The following C8orf34 variants were observed in gnomAD, a reference collection of about 807,000 sequenced individuals.
C8orf34 encodes the protein uncharacterized protein C8orf34.
C8orf34 carries 65 observed loss-of-function variants against 68.3 expected under a neutral mutation model. The observed-to-expected ratio is 0.95, with a 90% confidence interval of 0.78 to 1.17. C8orf34 has a LOEUF of 1.17. Ranked by LOEUF, C8orf34 falls within the 50% of genes most tolerant of loss-of-function variation. The pLI is 0.00. For missense variants in C8orf34, 664 were observed against 655.4 expected (o/e 1.01, Z -0.14); for synonymous variants, 244 against 241.2 (o/e 1.01, Z -0.11).
intron 12 of C8orf34, among the ~76,000 whole-genome samples, chr8:68,789,521 C>T (rs1298192761): frequency 6.6e-6 from 1 of 152,074 alleles, no homozygotes; most frequent in Non-Finnish European, 1.5e-5. Context: ...GAACTTTCTT[C>T]AACCCTTGTC....
intron 1 of C8orf34, among the ~76,000 whole-genome samples, chr8:68,427,461 A>G (rs140922829): frequency 7.9e-5 from 12 of 152,232 alleles, no homozygotes; most frequent in African/African-American, 2.4e-4. Flanking sequence ...ATATACTTCA[A>G]TATATAAGAT....
chr8:68,560,693 G>A (rs566912548), intron 7 of C8orf34, among the ~76,000 whole-genome samples: 8 of 152,146 alleles, frequency 5.3e-5, no homozygotes, highest in South Asian at 2.1e-4. Flanking sequence ...TTATCTAAAC[G>A]TAGAAAAGTA....
At chr8:68,343,785 G>C (rs991418547) in intron 1 of C8orf34, among the ~76,000 whole-genome samples, 4 of 152,008 alleles carry the variant, frequency 2.6e-5, no homozygotes, top group Non-Finnish European at 4.4e-5. Context: ...GTAGAGACAG[G>C]GTTTCACCAT....
chr8:68,338,013 G>A (rs1805922338), intron 1 of C8orf34, among the ~76,000 whole-genome samples: 1 of 152,154 alleles, frequency 6.6e-6, no homozygotes, highest in South Asian at 2.1e-4. Flanking sequence ...CCTATATATA[G>A]TCAGTGACAC....
At chr8:68,802,637 T>A (rs928472853) in intron 12 of C8orf34, among the ~76,000 whole-genome samples, 1 of 152,084 alleles carries the variant, frequency 6.6e-6, no homozygotes, top group Non-Finnish European at 1.5e-5. Context: ...TAGCTGGGAC[T>A]ACAGGGGTAT....
chr8:68,439,550 C>A lies in C8orf34; in HGVS notation c.379C>A (p.Leu127Ile). The change falls in exon 2 of 14, where the codon CTC becomes ATC. Residue 127 changes from leucine to isoleucine, a missense_variant. Coordinates refer to ENST00000518698, the MANE Select transcript of C8orf34 (RefSeq NM_052958.4). ...TETPDQPIPF[L>I]IDHLQSKQGN... ...GACACCTGACCAGCCAATCCCATTT[C>A]TCATTGACCATCTTCAGTCTAAACA... 6.2e-7 allele frequency: 1 copy of A among 1,613,746 alleles called. No homozygotes were observed. Among genetic ancestry groups the A allele is most frequent in the African/African-American group, 1.3e-5 (1 of 75,026 alleles).
At chr8:68,506,918 G>T (rs1178932563) in intron 5 of C8orf34, among the ~76,000 whole-genome samples, 1 of 151,006 alleles carries the variant, frequency 6.6e-6, no homozygotes, top group African/African-American at 2.4e-5. Context: ...TTTGTCATTT[G>T]TCCATTGATA....
At chr8:68,665,402 C>A (rs16934882) in intron 8 of C8orf34, among the ~76,000 whole-genome samples, 32,993 of 152,072 alleles carry the variant, frequency 0.22, 3,858 homozygotes, top group Middle Eastern at 0.35. Context: ...CCTTTCCCAA[C>A]AACTACCTCA....
intron 12 of C8orf34, among the ~76,000 whole-genome samples, chr8:68,808,968 G>C (rs551819734): frequency 1.3e-5 from 2 of 151,576 alleles, no homozygotes; most frequent in African/African-American, 4.8e-5. Flanking sequence ...TTTTTTGTGA[G>C]CATACACATC....
chr8:68,625,206 G>A (rs550087871), intron 7 of C8orf34, among the ~76,000 whole-genome samples: 80 of 152,262 alleles, frequency 5.3e-4, no homozygotes, highest in African/African-American at 1.9e-3. Flanking sequence ...AAGTACAAGA[G>A]ACCTCAGGGC....
At chr8:68,376,425 T>C (rs892243615) in intron 1 of C8orf34, among the ~76,000 whole-genome samples, 4 of 152,026 alleles carry the variant, frequency 2.6e-5, no homozygotes, top group African/African-American at 4.8e-5. Flanking sequence ...TGGGGAGATG[T>C]TTGGCCTAAT....
chr8:68,389,162 T>G (rs1361546559), intron 1 of C8orf34, among the ~76,000 whole-genome samples: 2 of 152,102 alleles, frequency 1.3e-5, no homozygotes, highest in African/African-American at 4.8e-5. Flanking sequence ...GTAGATAGAA[T>G]AGTGAGCAAA....
At chr8:68,594,692 A>G (rs1310582005) in intron 7 of C8orf34, among the ~76,000 whole-genome samples, 2 of 151,996 alleles carry the variant, frequency 1.3e-5, no homozygotes, top group African/African-American at 4.8e-5. Context: ...TCTGTTTTAT[A>G]TTTATTGCTT....
At chr8:68,497,260 A>G (rs956292700) in intron 5 of C8orf34, among the ~76,000 whole-genome samples, 4 of 152,216 alleles carry the variant, frequency 2.6e-5, no homozygotes, top group African/African-American at 9.6e-5. Flanking sequence ...AAATCCTCTT[A>G]ACTACATAAA....
intron 10 of C8orf34, among the ~76,000 whole-genome samples, chr8:68,746,184 C>A (rs913761070): frequency 1.5e-4 from 23 of 152,006 alleles, no homozygotes; most frequent in Non-Finnish European, 2.4e-4. Flanking sequence ...TCTTTGAAAC[C>A]AATGAGAACA....
At chr8:68,338,153 T>G (rs1221815312) in intron 1 of C8orf34, among the ~76,000 whole-genome samples, 1 of 152,172 alleles carries the variant, frequency 6.6e-6, no homozygotes, top group Non-Finnish European at 1.5e-5. Context: ...CCTCTTACTT[T>G]GTCCTCATAT....
intron 1 of C8orf34, among the ~76,000 whole-genome samples, chr8:68,436,232 G>T (rs1205783959): frequency 6.6e-6 from 1 of 151,920 alleles, no homozygotes; most frequent in Non-Finnish European, 1.5e-5. Flanking sequence ...GAAAAGAAAA[G>T]AAAAATAGTG....
intron 1 of C8orf34, among the ~76,000 whole-genome samples, chr8:68,371,173 G>A (rs751834750): frequency 5.3e-5 from 8 of 152,134 alleles, no homozygotes; most frequent in Non-Finnish European, 1.2e-4. Flanking sequence ...CTTCCATTTA[G>A]CTGTCCTCAT....
rs118137440 is a variant in C8orf34, at chr8:68,346,450, T to G, written c.327+15111T>G. ...TTGATGAACCTACATTGACACATCC[T>G]TATTACCCAAAGTCTGTAGTTTACA... On this transcript the variant is annotated intron_variant, in intron 1 of 13. Transcript: ENST00000518698. Among the ~76,000 whole-genome samples, 294 of 152,180 alleles carry G rather than the reference T, an allele frequency of 1.9e-3. 5 individuals are homozygous for G. The highest frequency in any genetic ancestry group is 1.5e-3 in the Non-Finnish European group (105 of 67,980).
Sources: gnomAD v4.1 joint callset for allele counts (sites outside exome capture counted in the v4.1 genomes callset) on GRCh38, gnomAD v4.1.1 for gene constraint, MANE v1.5 for transcripts, NCBI Gene and HGNC (gene_info 2026-07-23, HGNC 2026-07-21) for gene names.